Variants in PTCH1 observed in about 807,000 individuals in gnomAD.
PTCH1 encodes patched 1.
In PTCH1, 14 loss-of-function variants were observed where a neutral mutation model predicts 144.6. The observed-to-expected ratio is 0.10, with a 90% confidence interval of 0.06 to 0.15. The LOEUF is 0.15. PTCH1 is among the 10% of genes least tolerant of loss of function. The pLI is 1.00. For synonymous variants in PTCH1, 833 were observed against 793.6 expected (o/e 1.05, Z -0.83); for missense variants, 1,623 against 1,948.3 (o/e 0.83, Z 3.14).
intron 5 of PTCH1, among the ~76,000 whole-genome samples, chr9:95,481,592 A>AAT (rs1441129926): frequency 4.6e-5 from 7 of 152,204 alleles, no homozygotes; most frequent in Admixed American, 4.6e-4. Flanking sequence ...CCCACTCACT[A>AAT]ATAAAGTCTC....
At chr9:95,477,733 A>G in intron 9 of PTCH1, 31 bp from the exon 10 acceptor site, 1 of 1,613,002 alleles carries the variant, frequency 6.2e-7, no homozygotes. Flanking sequence ...GCACAGAACA[A>G]AAGCCGAACA....
intron 15 of PTCH1, among the ~76,000 whole-genome samples, chr9:95,466,327 G>GT (rs1357899912): frequency 1.3e-5 from 2 of 152,122 alleles, no homozygotes; most frequent in East Asian, 1.9e-4. Context: ...GATTACAGGC[G>GT]TGAGCCACTG....
At chr9:95,478,674 C>A (rs1030372926) in intron 8 of PTCH1, among the ~76,000 whole-genome samples, 1 of 152,184 alleles carries the variant, frequency 6.6e-6, no homozygotes, top group African/African-American at 2.4e-5. Flanking sequence ...GGGCCTGCAG[C>A]TGTGAACAGA....
In PTCH1 at chr9:95,447,244, G is replaced by A. The variant is rs374346190; in HGVS notation, c.4012C>T (p.Arg1338Cys). Residue 1338 changes from arginine (R) to cysteine (C), a missense_variant, in exon 23 of 24, where the codon CGC (arginine) becomes TGC (cysteine). Physicochemically the swap from Arg to Cys is radical, Grantham distance 180. Around this residue, in one of 7 missense-constraint regions of PTCH1, gnomAD observed 291 missense variants for 287.4 expected, o/e 1.01. Coordinates refer to ENST00000331920, the MANE Select transcript of PTCH1 (RefSeq NM_000264.5). ...GAACGGGCCCCGCGAGGGCCCCAGCGGGCCCTATTGCTAGGGCCAGAATGC... is the reference window on the plus strand; with the variant it reads ...GAACGGGCCCCGCGAGGGCCCCAGCAGGCCCTATTGCTAGGGCCAGAATGC... ...EGHSGPSNRA[R>C]WGPRGARSHN... 72 of 1,612,636 alleles carry A rather than the reference G, an allele frequency of 4.5e-5. No individual in the cohort carries two copies. Among genetic ancestry groups the A allele is most frequent in the Non-Finnish European group, 4.6e-5 (54 of 1,179,738 alleles).
chr9:95,486,063 TACTC>T (rs1564063669), intron 2 of PTCH1, among the ~76,000 whole-genome samples, 189 bp from the exon 3 acceptor site: 4 of 152,154 alleles, frequency 2.6e-5, no homozygotes, highest in African/African-American at 7.2e-5. Flanking sequence ...ACATAAAAAA[TACTC>T]ACTAAGCCCA....
intron 22 of PTCH1, among the ~76,000 whole-genome samples, chr9:95,448,375 A>G (rs1838147520): frequency 6.6e-6 from 1 of 152,066 alleles, no homozygotes. Flanking sequence ...TCAGCCCAGA[A>G]CCTTCCTTGA....
At chr9:95,479,735 G>C in intron 7 of PTCH1, 1 of 641,008 alleles carries the variant, frequency 1.6e-6, no homozygotes, top group Middle Eastern at 4.4e-4. Context: ...CTATAGTCAG[G>C]AACTATGGTC....
intron 2 of PTCH1, among the ~76,000 whole-genome samples, chr9:95,488,068 C>T (rs1027565061): frequency 3.9e-5 from 6 of 152,266 alleles, no homozygotes; most frequent in African/African-American, 1.4e-4. Context: ...GTTTGTGCTG[C>T]TAAGAAATTT....
At chr9:95,505,405 G>C (rs1207205105) in intron 2 of PTCH1, among the ~76,000 whole-genome samples, 2 of 152,150 alleles carry the variant, frequency 1.3e-5, no homozygotes, top group African/African-American at 4.8e-5. Flanking sequence ...CAAATAGCAG[G>C]ATTTGGAACT....
chr9:95,500,677 A>T (rs1470469989), intron 2 of PTCH1, among the ~76,000 whole-genome samples: 1 of 152,030 alleles, frequency 6.6e-6, no homozygotes, highest in East Asian at 1.9e-4. Flanking sequence ...TCCTGGGGGG[A>T]CAAGGGGGAG....
At chr9:95,469,700 C>G in intron 13 of PTCH1, 113 bp downstream of exon 13, 1 of 1,088,178 alleles carries the variant, frequency 9.2e-7, no homozygotes. Context: ...ACGTTCTCCA[C>G]ACCAGCACAA....
chr9:95,506,223 A>G, intron 2 of PTCH1, 184 bp downstream of exon 2: 1 of 663,402 alleles, frequency 1.5e-6, no homozygotes, highest in South Asian at 2.0e-5. Context: ...AGTAGATTAC[A>G]GCGCGGCCTT....
chr9:95,476,623 G>C lies in PTCH1; in HGVS notation c.1602+136C>G. The C allele has an allele frequency of 1.2e-6, 1 of 854,374 alleles. No homozygotes were observed. The highest frequency in any genetic ancestry group is 2.7e-5 in the East Asian group (1 of 37,724). 52.9% of individuals were successfully genotyped at this position (854,374 alleles called of 1,614,324 possible). On this transcript the variant is annotated intron_variant, in intron 11 of 23. Coordinates refer to ENST00000331920, the MANE Select transcript of PTCH1 (RefSeq NM_000264.5). The surrounding 1 kb of genome is among the most constrained non-coding windows in gnomAD (Gnocchi z 4.6). ...AGTCTTCCAGCTTATTTCATTGACT[G>C]GCAGCCAGTGACACATCATCTGACA...
chr9:95,482,200 C>A lies in PTCH1; in HGVS notation c.588G>T (p.Gln196His). The A allele has an allele frequency of 6.2e-7, 1 of 1,613,866 alleles. No homozygotes were observed. Among genetic ancestry groups the A allele is most frequent in the Non-Finnish European group, 8.5e-7 (1 of 1,179,832 alleles). ...TGTAACACAAATGTTCCAATTTCCA[C>A]TGCCTAATAAAATGAAAAGCAGAGA... ...SRVHVYMYNR[Q>H]WKLEHLCYKS... Residue 196 changes from glutamine to histidine, a missense_variant, in exon 4 of 24, where the codon CAG becomes CAT. Physicochemically the swap from Gln to His is conservative, Grantham distance 24. Around this residue, in one of 7 missense-constraint regions of PTCH1, gnomAD observed 39 missense variants for 75.6 expected, o/e 0.52. Coordinates refer to ENST00000331920, the MANE Select transcript of PTCH1 (RefSeq NM_000264.5).
chr9:95,506,944 C>T (rs1843713324), intron 1 of PTCH1: 2 of 1,034,154 alleles, frequency 1.9e-6, no homozygotes, highest in Non-Finnish European at 2.3e-6. Context: ...CACCCCAGAG[C>T]TGAGAAGGGA....
At position 95,459,708 on chromosome 9, in the gene PTCH1, C is replaced by T. The variant is rs1554691693; in HGVS notation, c.2779G>A (p.Val927Ile). The part of the protein sequence containing the change: ...SAFYIYLTAW[V>I]SNDPVAYAAS... The stretch of plus-strand genomic sequence containing the variant: ...GCATACGCGACGGGGTCGTTGCTGA[C>T]CCAAGCCGTCAGGTAGATGTAGAAA... Residue 927 changes from valine to isoleucine, a missense_variant, in exon 17 of 24, where the codon GTC becomes ATC. By Grantham distance (29) the Val-to-Ile change is conservative. Around this residue, in one of 7 missense-constraint regions of PTCH1, gnomAD observed 504 missense variants for 679.3 expected, o/e 0.74. Coordinates refer to ENST00000331920, the MANE Select transcript of PTCH1 (RefSeq NM_000264.5). 1.2e-6 allele frequency: 2 copies of T among 1,614,204 alleles called. No homozygotes were observed. Among genetic ancestry groups the T allele is most frequent in the African/African-American group, 2.7e-5 (2 of 75,058 alleles).
intron 12 of PTCH1, among the ~76,000 whole-genome samples, chr9:95,474,803 A>T (rs1188246178): frequency 6.6e-6 from 1 of 152,222 alleles, no homozygotes; most frequent in Non-Finnish European, 1.5e-5. Context: ...CAGAAACCAG[A>T]TGCAAGACTG....
rs202102540 is a variant in PTCH1 at position 95,449,909 on chromosome 9, T to C, written c.3481A>G (p.Ile1161Val). The part of the protein sequence containing the change: ...YFFAVLAILT[I>V]LGVLNGLVLL... ...ACCAGCCCATTGAGAACGCCGAGGATGGTGAGGATCGCCAGCACAGCAAAG... is the reference window on the plus strand; with the variant it reads ...ACCAGCCCATTGAGAACGCCGAGGACGGTGAGGATCGCCAGCACAGCAAAG... The change falls in exon 21 of 24, where the codon ATC becomes GTC. Residue 1161 changes from isoleucine to valine, a missense_variant. Ile to Val is a conservative substitution (Grantham distance 29). Coordinates refer to ENST00000331920, the MANE Select transcript of PTCH1 (RefSeq NM_000264.5). This position sits in a 1 kb window ranked among gnomAD's most constrained non-coding sequence, Gnocchi z 5.3. 3 of 1,614,026 alleles carry C rather than the reference T, an allele frequency of 1.9e-6. No homozygotes were observed. Among genetic ancestry groups the C allele is most frequent in the African/African-American group, 1.3e-5 (1 of 74,988 alleles).
At chr9:95,456,145 G>T in intron 19 of PTCH1, 131 bp downstream of exon 19, 1 of 1,371,540 alleles carries the variant, frequency 7.3e-7, no homozygotes, top group Non-Finnish European at 1.0e-6. Context: ...CTCTCCTAGG[G>T]GGCCCCTGTG....
Sources: gnomAD v4.1 joint callset for allele counts (sites outside exome capture counted in the v4.1 genomes callset) on GRCh38, gnomAD v4.1.1 for gene constraint, gnomAD v4.1.1 regional missense constraint, Gnocchi (gnomAD v3.1) non-coding constraint, MANE v1.5 for transcripts, NCBI Gene and HGNC (gene_info 2026-07-23, HGNC 2026-07-21) for gene names.